The following PSG2 variants were observed in gnomAD, a reference collection of about 807,000 sequenced individuals.
PSG2 encodes pregnancy specific beta-1-glycoprotein 2.
A neutral mutation model predicts 36.2 loss-of-function variants in PSG2; 49 were observed. That is an observed-to-expected ratio of 1.35 (90% CI 1.08 to 1.72). The LOEUF is 1.72. Ranked by LOEUF, PSG2 falls within the 40% of genes most tolerant of loss-of-function variation. PSG2 has a pLI of 0.00. For missense variants in PSG2, 605 were observed against 407.2 expected (o/e 1.49, Z -4.18); for synonymous variants, 261 against 155.6 (o/e 1.68, Z -5.04).
chr19:43,076,868 G>A (rs1967904166), intron 2 of PSG2, among the ~76,000 whole-genome samples: 1 of 151,500 alleles, frequency 6.6e-6, no homozygotes, highest in Non-Finnish European at 1.5e-5. Context: ...TACTGGTTTA[G>A]CATCCCAAAT....
chr19:43,077,175 G>T (rs1241959264), intron 2 of PSG2, among the ~76,000 whole-genome samples: 1 of 151,522 alleles, frequency 6.6e-6, no homozygotes, highest in Non-Finnish European at 1.5e-5. Context: ...TTTCTCCTGA[G>T]ACCAAAATAA....
At position 43,075,487 on chromosome 19, in the gene PSG2, C is replaced by T. The variant is rs1226325836; in HGVS notation, c.576G>A (p.Arg192=). The change falls in exon 3 of 6, where the codon AGG becomes AGA. Residue 192 remains arginine (R), a synonymous_variant. Transcript: ENST00000406487. ...MNGQSLPMTH[R]FQLSETNRTL... ...TCCTGTTGGTTTCGGACAGCTGAAA[C>T]CTATGAGTCATAGGGAGGCTCTGAC... The T allele has an allele frequency of 1.1e-5, 17 of 1,613,180 alleles. No individual in the cohort carries two copies. Among genetic ancestry groups the T allele is most frequent in the Non-Finnish European group, 1.4e-5 (17 of 1,179,704 alleles).
At chr19:43,068,784 A>C (rs1967777281) in intron 4 of PSG2, among the ~76,000 whole-genome samples, 1 of 151,792 alleles carries the variant, frequency 6.6e-6, no homozygotes, top group Non-Finnish European at 1.5e-5. Context: ...AAAGACTGAA[A>C]GCTTTCCCTG....
Position 43,075,336 on chromosome 19 carries a change from G to A in PSG2, c.709+18C>T, listed in dbSNP as rs1409799029. ...TTGGGATGGCAGTCTGGCCCACAGA[G>A]GAACAGAAGATACTCACGGAGGAGA... On this transcript the variant is annotated intron_variant, in intron 3 of 5. Transcript: ENST00000406487. 4 of 1,613,190 alleles carry A rather than the reference G, an allele frequency of 2.5e-6. No homozygotes were observed. The highest frequency in any genetic ancestry group is 2.2e-5 in the East Asian group (1 of 44,876).
intron 3 of PSG2, among the ~76,000 whole-genome samples, chr19:43,074,708 T>C (rs574654794): frequency 6.6e-6 from 1 of 151,866 alleles, no homozygotes; most frequent in South Asian, 2.1e-4. Flanking sequence ...TACCAGGGAC[T>C]ATGGTCCTCT....
rs142986441 is a variant in PSG2 at position 43,075,425 on chromosome 19, C to T, written c.638G>A (p.Gly213Glu). The T allele has an allele frequency of 4.3e-6, 7 of 1,613,002 alleles. No individual in the cohort carries two copies. The highest frequency in any genetic ancestry group is 5.9e-6 in the Non-Finnish European group (7 of 1,179,640). ...GTTCCGTATTTCACATTCATAGGGT[C>T]CTGCAGTATACTTTGTGACACCAAA... is the stretch of plus-strand genomic sequence containing the variant. ...FLFGVTKYTA[G>E]PYECEIRNSG... is the part of the protein sequence containing the mutation. The change falls in exon 3 of 6, where the codon GGA becomes GAA. Residue 213 changes from glycine (G) to glutamate (E), a missense_variant. Coordinates refer to ENST00000406487, the MANE Select transcript of PSG2 (RefSeq NM_031246.4).
In PSG2 at chr19:43,075,413, C is replaced by T; in HGVS notation, c.650G>A (p.Cys217Tyr). Residue 217 changes from cysteine (C) to tyrosine (Y), a missense_variant, in exon 3 of 6, where the codon TGT becomes TAT. By Grantham distance (194) the Cys-to-Tyr change is radical. Transcript: ENST00000406487. ...VTKYTAGPYE[C>Y]EIRNSGSASR... ...GGCACTCCCTGAGTTCCGTATTTCACATTCATAGGGTCCTGCAGTATACTT... is the reference window on the plus strand; with the variant it reads ...GGCACTCCCTGAGTTCCGTATTTCATATTCATAGGGTCCTGCAGTATACTT... 6.2e-7 allele frequency: 1 copy of T among 1,613,186 alleles called. No individual in the cohort carries two copies. The highest frequency in any genetic ancestry group is 8.5e-7 in the Non-Finnish European group (1 of 1,179,678).
At chr19:43,074,709 A>G (rs1568513947) in intron 3 of PSG2, among the ~76,000 whole-genome samples, 1 of 151,736 alleles carries the variant, frequency 6.6e-6, no homozygotes, top group Non-Finnish European at 1.5e-5. Context: ...ACCAGGGACT[A>G]TGGTCCTCTT....
At chr19:43,065,483 G>T (rs1350462421) in intron 5 of PSG2, 2 of 151,576 alleles carry the variant, frequency 1.3e-5, no homozygotes, top group Non-Finnish European at 2.9e-5. Flanking sequence ...ACCAGTGCCT[G>T]GGTCCCTCTC....
intron 3 of PSG2, among the ~76,000 whole-genome samples, chr19:43,073,642 T>G (rs867597839): frequency 6.6e-6 from 1 of 151,580 alleles, no homozygotes; most frequent in Non-Finnish European, 1.5e-5. Context: ...CCAGAGTGAA[T>G]ATGAGAAGAG....
chr19:43,077,868 G>A (rs1446288120), intron 2 of PSG2, among the ~76,000 whole-genome samples: 6 of 151,600 alleles, frequency 4.0e-5, no homozygotes, highest in Admixed American at 3.9e-4. Flanking sequence ...CTCAAGCTAG[G>A]GATTCCTTAG....
intron 4 of PSG2, among the ~76,000 whole-genome samples, chr19:43,068,038 C>A (rs188350560): frequency 2.8e-4 from 43 of 151,426 alleles, no homozygotes; most frequent in African/African-American, 8.8e-4. Flanking sequence ...GAGGAAATTA[C>A]TGAAACCAAA....
At chr19:43,074,151 T>C (rs982553360) in intron 3 of PSG2, among the ~76,000 whole-genome samples, 4 of 151,678 alleles carry the variant, frequency 2.6e-5, no homozygotes, top group African/African-American at 9.7e-5. Flanking sequence ...TTGCATCTTT[T>C]TCACAGTGTT....
chr19:43,069,829 G>A lies in PSG2; in HGVS notation c.964+1871C>T, dbSNP rs531968755. 1.0e-3 allele frequency among the ~76,000 whole-genome samples: 155 copies of A among 151,658 alleles called. 3 individuals carry two copies. The highest frequency in any genetic ancestry group is 3.7e-3 in the African/African-American group (153 of 41,174). On this transcript the variant is annotated intron_variant, in intron 4 of 5. Transcript: ENST00000406487. ...CAAAAGCATAGGCAACAAATAAAAC[G>A]GATAAATCGGACTTCATAAAAATCA...
At chr19:43,078,709 T>C (rs1178337714) in intron 2 of PSG2, among the ~76,000 whole-genome samples, 1 of 151,672 alleles carries the variant, frequency 6.6e-6, no homozygotes, top group African/African-American at 2.4e-5. Flanking sequence ...ATTTGAGTAA[T>C]AATAAACCTC....
intron 3 of PSG2, among the ~76,000 whole-genome samples, chr19:43,074,601 G>A (rs1457957503): frequency 6.6e-6 from 1 of 151,584 alleles, no homozygotes; most frequent in Admixed American, 6.6e-5. Flanking sequence ...CTGGGGTTTT[G>A]ATTTTCCCTC....
At position 43,072,811 on chromosome 19, in the gene PSG2, G is replaced by A. The variant is rs142473288; in HGVS notation, c.710-857C>T. On this transcript the variant is annotated intron_variant, in intron 3 of 5. Transcript: ENST00000406487. ...CTAAGGGCTCAAAGACTGTGAGGCC[G>A]CCTGCTCTGTCTTAGGAAAGCACAG... Among the ~76,000 whole-genome samples the A allele has an allele frequency of 7.1e-3, 1,074 of 151,818 alleles. 48 individuals are homozygous for A. Among genetic ancestry groups the A allele is most frequent in the African/African-American group, 0.025 (1,031 of 41,212 alleles).
intron 3 of PSG2, chr19:43,072,499 G>A: frequency 6.2e-7 from 1 of 1,611,246 alleles, no homozygotes. Flanking sequence ...GACTGACCGG[G>A]AGGCTCTGAC....
chr19:43,074,904 C>T (rs573935947), intron 3 of PSG2, among the ~76,000 whole-genome samples: 7 of 140,984 alleles, frequency 5.0e-5, no homozygotes, highest in Non-Finnish European at 1.1e-4. Context: ...GGGGACTTCC[C>T]TTGTATGGTA....
Sources: allele counts gnomAD v4.1 joint callset (sites outside exome capture counted in the v4.1 genomes callset), GRCh38; gene constraint gnomAD v4.1.1; transcripts MANE v1.5; gene names NCBI Gene and HGNC (gene_info 2026-07-23, HGNC 2026-07-21).